AGBL1: variants seen among roughly 807,000 people sequenced by gnomAD.
AGBL1 encodes AGBL carboxypeptidase 1.
AGBL1 carries 130 observed loss-of-function variants against 118.9 expected under a neutral mutation model. That is an observed-to-expected ratio of 1.09 (90% CI 0.95 to 1.26). The LOEUF (loss-of-function observed/expected upper bound fraction) is 1.26, where lower values mean the gene tolerates loss of function less well. AGBL1 is among the 50% of genes most tolerant of loss of function. AGBL1 has a pLI of 0.00. For synonymous variants in AGBL1, 555 were observed against 478.9 expected (o/e 1.16, Z -2.08); for missense variants, 1,584 against 1,298.1 (o/e 1.22, Z -3.38).
chr15:86,476,143 C>A (rs947494674), intron 18 of AGBL1, among the ~76,000 whole-genome samples: 1 of 152,166 alleles, frequency 6.6e-6, no homozygotes, highest in African/African-American at 2.4e-5. Flanking sequence ...ATTGTAAAGA[C>A]CATCGATGCT....
At chr15:86,806,116 C>T (rs1478840670) in intron 22 of AGBL1, among the ~76,000 whole-genome samples, 1 of 152,106 alleles carries the variant, frequency 6.6e-6, no homozygotes, top group Non-Finnish European at 1.5e-5. Context: ...TGGGAGGCCT[C>T]CAGAACACAA....
downstream of AGBL1, among the ~76,000 whole-genome samples, chr15:86,920,282 T>C (rs2080470832): frequency 6.6e-6 from 1 of 152,200 alleles, no homozygotes; most frequent in Admixed American, 6.5e-5. Flanking sequence ...ACAGTCCGCC[T>C]CCATTCCTTG....
chr15:86,577,896 A>G (rs887310261), intron 21 of AGBL1, among the ~76,000 whole-genome samples: 1 of 152,248 alleles, frequency 6.6e-6, no homozygotes, highest in African/African-American at 2.4e-5. Flanking sequence ...CTGGATGCCC[A>G]GGTAGAAGTT....
downstream of AGBL1, among the ~76,000 whole-genome samples, chr15:87,031,345 C>T (rs895769089): frequency 6.6e-6 from 1 of 151,878 alleles, no homozygotes; most frequent in Non-Finnish European, 1.5e-5. Flanking sequence ...AGAGATATTT[C>T]TCATGAAAAA....
intron 22 of AGBL1, among the ~76,000 whole-genome samples, chr15:86,703,147 C>T (rs1311978590): frequency 1.3e-5 from 2 of 152,144 alleles, no homozygotes; most frequent in Admixed American, 1.3e-4. Flanking sequence ...TCAATGTTTC[C>T]AACCATGGTT....
intron 17 of AGBL1, among the ~76,000 whole-genome samples, chr15:86,335,362 T>C (rs1036187178): frequency 2.0e-5 from 3 of 152,050 alleles, no homozygotes; most frequent in African/African-American, 7.2e-5. Context: ...ATGGTCTCGA[T>C]CTCTTGACCT....
chr15:86,887,658 T>C (rs1247695771), intron 22 of AGBL1, among the ~76,000 whole-genome samples: 1 of 152,228 alleles, frequency 6.6e-6, no homozygotes, highest in African/African-American at 2.4e-5. Context: ...CATTGAACTT[T>C]ACAATTGTCA....
intron 6 of AGBL1, among the ~76,000 whole-genome samples, chr15:86,226,058 A>G (rs895669040): frequency 6.6e-6 from 1 of 152,166 alleles, no homozygotes; most frequent in African/African-American, 2.4e-5. Flanking sequence ...CTGTGATATG[A>G]GATCCACAGC....
intron 22 of AGBL1, among the ~76,000 whole-genome samples, chr15:86,855,389 C>G (rs1479028094): frequency 6.6e-6 from 1 of 152,178 alleles, no homozygotes; most frequent in African/African-American, 2.4e-5. Flanking sequence ...AAGAGTGCCT[C>G]TTGAGTTCCA....
chr15:86,739,783 A>G (rs2077651815), intron 22 of AGBL1, among the ~76,000 whole-genome samples: 1 of 152,142 alleles, frequency 6.6e-6, no homozygotes, highest in African/African-American at 2.4e-5. Flanking sequence ...TGCAAAGATA[A>G]TTTTCACTCC....
chr15:86,555,746 A>AT (rs1343652408), intron 21 of AGBL1, among the ~76,000 whole-genome samples: 3 of 151,802 alleles, frequency 2.0e-5, no homozygotes, highest in African/African-American at 7.3e-5. Context: ...CTAGGAACCT[A>AT]TTTTTTTTCA....
chr15:86,663,516 A>T (rs2447249), intron 21 of AGBL1, among the ~76,000 whole-genome samples: 121,409 of 152,002 alleles, frequency 0.8, 49,866 homozygotes, highest in South Asian at 0.89. Context: ...CTTAGGGATC[A>T]AAGGGCCAGA....
intron 6 of AGBL1, among the ~76,000 whole-genome samples, chr15:86,226,930 A>G (rs2078374431): frequency 6.6e-6 from 1 of 152,214 alleles, no homozygotes; most frequent in Admixed American, 6.5e-5. Context: ...CTTTTGAGGG[A>G]GAGAGTCATC....
intron 22 of AGBL1, among the ~76,000 whole-genome samples, chr15:86,771,130 T>C (rs1424256499): frequency 2.0e-5 from 3 of 152,032 alleles, no homozygotes; most frequent in Non-Finnish European, 4.4e-5. Context: ...AATCACTGCA[T>C]AAAAGATTAC....
chr15:86,942,778 C>T (rs1383372612), intron 23 of AGBL1, among the ~76,000 whole-genome samples: 5 of 152,188 alleles, frequency 3.3e-5, no homozygotes, highest in African/African-American at 4.8e-5. Flanking sequence ...TTTCTGGATT[C>T]TATTTCATTC....
Position 86,554,522 on chromosome 15 carries a change from C to A in AGBL1, c.2979C>A (p.Asn993Lys). 6.5e-7 allele frequency: 1 copy of A among 1,540,712 alleles called. No homozygotes were observed. The highest frequency in any genetic ancestry group is 1.3e-5 in the South Asian group (1 of 79,896). The change falls in exon 21 of 23, where the codon AAC (asparagine) becomes AAA (lysine). Residue 993 changes from asparagine (N) to lysine (K), a missense_variant. Asn to Lys is a moderately conservative substitution (Grantham distance 94). Transcript: ENST00000614907. ...TGGAAAGCAGCTACTGTGGCTGCAA[C>A]CAGGGCCCTTATCAGGTATGTGAGG... ...YTMESSYCGCNQGPYQGLQFG... is the reference protein window; with the variant it reads ...YTMESSYCGCKQGPYQGLQFG...
intron 24 of AGBL1, among the ~76,000 whole-genome samples, chr15:87,012,651 A>T (rs1347234): frequency 2.6e-5 from 4 of 151,754 alleles, no homozygotes; most frequent in Non-Finnish European, 5.9e-5. Flanking sequence ...TGTTAAATGG[A>T]GGAGGAGCCA....
At chr15:87,022,792 G>A (rs1268676629) in intron 24 of AGBL1, among the ~76,000 whole-genome samples, 2 of 152,140 alleles carry the variant, frequency 1.3e-5, no homozygotes, top group Middle Eastern at 3.4e-3. Context: ...AGAAGGGATT[G>A]GGGCCCTATT....
At chr15:86,864,349 T>G (rs1231046462) in intron 22 of AGBL1, among the ~76,000 whole-genome samples, 1 of 152,198 alleles carries the variant, frequency 6.6e-6, no homozygotes, top group Admixed American at 6.5e-5. Context: ...AGTTTTCCCA[T>G]CTACCAAAAA....
Sources: gnomAD v4.1 joint callset for allele counts (sites outside exome capture counted in the v4.1 genomes callset) on GRCh38, gnomAD v4.1.1 for gene constraint, MANE v1.5 for transcripts, NCBI Gene and HGNC (gene_info 2026-07-23, HGNC 2026-07-21) for gene names.